Variants in FAM180A observed in about 807,000 individuals in gnomAD.
FAM180A encodes the protein family with sequence similarity 180 member A.
FAM180A carries 14 observed loss-of-function variants against 15.3 expected under a neutral mutation model. The observed-to-expected ratio is 0.92, with a 90% CI of 0.61 to 1.43. The LOEUF (loss-of-function observed/expected upper bound fraction) is 1.43. Ranked by LOEUF, FAM180A falls within the 40% of genes most tolerant of loss-of-function variation. The pLI is 0.00. For synonymous variants in FAM180A, 90 were observed against 96.8 expected (o/e 0.93, Z 0.41); for missense variants, 200 against 220.8 (o/e 0.91, Z 0.60).
At chr7:135,741,326 T>C (rs911369173) in intron 1 of FAM180A, among the ~76,000 whole-genome samples, 1 of 152,146 alleles carries the variant, frequency 6.6e-6, no homozygotes, top group African/African-American at 2.4e-5. Flanking sequence ...GGAATGGCTA[T>C]TGCTTTAAAA....
chr7:135,731,909 G>T (rs1303589849), intron 3 of FAM180A, among the ~76,000 whole-genome samples: 1 of 152,168 alleles, frequency 6.6e-6, no homozygotes, highest in African/African-American at 2.4e-5. Context: ...ATCAAATTTA[G>T]CCCAATAAAT....
At chr7:135,743,261 G>C (rs34848413) in intron 1 of FAM180A, among the ~76,000 whole-genome samples, 1 of 140,702 alleles carries the variant, frequency 7.1e-6, no homozygotes, top group Non-Finnish European at 1.5e-5. Context: ...TTGCTCTGTC[G>C]CCCACGCTGG....
chr7:135,733,991 G>C lies in FAM180A; in HGVS notation c.506C>G (p.Pro169Arg). Reference sequence around the variant, plus strand: ...GCCAGTCTCTCAGGGAGGTACTCCCGGCTGTGAGGAGCGCATCAAGTCGTG... The same window carrying C: ...GCCAGTCTCTCAGGGAGGTACTCCCCGCTGTGAGGAGCGCATCAAGTCGTG... ...LRHDLMRSSQPGVPP is the reference protein window; with the variant it reads ...LRHDLMRSSQRGVPP Residue 169 changes from proline (P) to arginine (R), a missense_variant, in exon 3 of 4, where the codon CCG becomes CGG. By Grantham distance (103) the Pro-to-Arg change is moderately radical. Coordinates refer to ENST00000338588, the MANE Select transcript of FAM180A (RefSeq NM_205855.4). 1.2e-6 allele frequency: 2 copies of C among 1,605,846 alleles called. No individual in the cohort carries two copies. The highest frequency in any genetic ancestry group is 1.7e-6 in the Non-Finnish European group (2 of 1,175,422).
In FAM180A at chr7:135,729,877, C is replaced by G. The variant is rs1248278001; in HGVS notation, c.*734G>C. 1.4e-6 allele frequency: 1 copy of G among 700,240 alleles called. No homozygotes were observed. Among genetic ancestry groups the G allele is most frequent in the African/African-American group, 1.9e-5 (1 of 51,526 alleles). 43.4% of individuals were successfully genotyped at this position (700,240 alleles called of 1,614,324 possible). On this transcript the variant is annotated 3_prime_UTR_variant, in exon 4 of 4. Transcript: ENST00000338588. Reference sequence around the variant, plus strand: ...GGGGAAGGGGAAAAGAGGAGTTGTTCGGTGGGTATAGAACTTCAGAATTAC... The same window carrying G: ...GGGGAAGGGGAAAAGAGGAGTTGTTGGGTGGGTATAGAACTTCAGAATTAC...
At chr7:135,743,975 G>A (rs1284824632) in intron 1 of FAM180A, among the ~76,000 whole-genome samples, 1 of 152,158 alleles carries the variant, frequency 6.6e-6, no homozygotes, top group African/African-American at 2.4e-5. Flanking sequence ...GAAAGTAGAT[G>A]TTGACTTCTG....
At chr7:135,743,848 T>C (rs967393036) in intron 1 of FAM180A, among the ~76,000 whole-genome samples, 1 of 152,184 alleles carries the variant, frequency 6.6e-6, no homozygotes. Context: ...AGGAACACAT[T>C]ACCTGCCCTG....
intron 2 of FAM180A, among the ~76,000 whole-genome samples, chr7:135,735,577 A>T (rs1333808907): frequency 1.3e-5 from 2 of 151,944 alleles, no homozygotes; most frequent in African/African-American, 4.8e-5. Context: ...TAAAATATAG[A>T]TCTCTTCGTA....
intron 3 of FAM180A, among the ~76,000 whole-genome samples, chr7:135,732,119 G>C (rs1474659333): frequency 6.6e-6 from 1 of 152,162 alleles, no homozygotes; most frequent in African/African-American, 2.4e-5. Flanking sequence ...TAGTTTGTAG[G>C]CAATGGCCAG....
At chr7:135,732,513 C>T (rs949146104) in intron 3 of FAM180A, among the ~76,000 whole-genome samples, 2 of 152,102 alleles carry the variant, frequency 1.3e-5, no homozygotes, top group South Asian at 2.1e-4. Context: ...GCCAACATGG[C>T]GAAAAACTGT....
chr7:135,748,577 G>C lies in FAM180A; in HGVS notation c.4C>G (p.His2Asp), dbSNP rs772366177. The part of the protein sequence containing the change: M[H>D]WKMLLLLLLY... ...AGCAGAAGCAGCAACATCTTCCAAT[G>C]CATCTTGTCCTTCAAAAGGTGAAAA... is the stretch of plus-strand genomic sequence containing the variant. Residue 2 changes from histidine to aspartate, a missense_variant, in exon 1 of 4, where the codon CAT (histidine) becomes GAT (aspartate). By Grantham distance (81) the His-to-Asp change is moderately conservative. Coordinates refer to ENST00000338588, the MANE Select transcript of FAM180A (RefSeq NM_205855.4). The C allele has an allele frequency of 6.2e-6, 10 of 1,613,650 alleles. No homozygotes were observed. The highest frequency in any genetic ancestry group is 5.0e-5 in the Admixed American group (3 of 59,990).
At chr7:135,732,041 G>A (rs1342278144) in intron 3 of FAM180A, among the ~76,000 whole-genome samples, 3 of 152,156 alleles carry the variant, frequency 2.0e-5, no homozygotes, top group Admixed American at 6.5e-5. Context: ...CCAGACGCTC[G>A]ACCCCTAGCA....
rs190977887 is a variant in FAM180A at position 135,746,202 on chromosome 7, T to G, written c.76+2303A>C. On this transcript the variant is annotated intron_variant, in intron 1 of 3. Coordinates refer to ENST00000338588, the MANE Select transcript of FAM180A (RefSeq NM_205855.4). Reference sequence around the variant, plus strand: ...CTCACTGTGGAAAGACCTTCCCCAATGCGGAAGGACATGGCCCGGAGAAGT... The same window carrying G: ...CTCACTGTGGAAAGACCTTCCCCAAGGCGGAAGGACATGGCCCGGAGAAGT... Among the ~76,000 whole-genome samples, 9 of 152,224 alleles carry G rather than the reference T, an allele frequency of 5.9e-5. No individual in the cohort carries two copies. In the East Asian group the frequency reaches 1.4e-3, roughly 23 times the overall value.
chr7:135,740,035 C>G (rs1796923780), intron 1 of FAM180A, among the ~76,000 whole-genome samples: 1 of 152,152 alleles, frequency 6.6e-6, no homozygotes, highest in Non-Finnish European at 1.5e-5. Flanking sequence ...GCAGTATTCC[C>G]TAGCCAGGTA....
At chr7:135,744,332 G>A (rs1353900229) in intron 1 of FAM180A, among the ~76,000 whole-genome samples, 1 of 152,196 alleles carries the variant, frequency 6.6e-6, no homozygotes, top group Non-Finnish European at 1.5e-5. Context: ...AAGGATTCAA[G>A]CTGCAGACCA....
At chr7:135,745,186 G>C (rs763406659) in intron 1 of FAM180A, among the ~76,000 whole-genome samples, 9 of 152,088 alleles carry the variant, frequency 5.9e-5, no homozygotes, top group African/African-American at 1.9e-4. Context: ...ACTGACCACA[G>C]GCCTTTCCCT....
At chr7:135,745,204 C>T (rs1797013883) in intron 1 of FAM180A, among the ~76,000 whole-genome samples, 1 of 152,168 alleles carries the variant, frequency 6.6e-6, no homozygotes, top group South Asian at 2.1e-4. Context: ...CCTCATGGAA[C>T]ATTCATGACT....
chr7:135,745,932 T>C lies in FAM180A; in HGVS notation c.76+2573A>G, dbSNP rs150596528. ...TAATACATTTGGAAAAACTTACTCA[T>C]TTGGGTGTGACTCCTATTCAGTCTT... is the stretch of plus-strand genomic sequence containing the variant. On this transcript the variant is annotated intron_variant, in intron 1 of 3. Transcript: ENST00000338588. Among the ~76,000 whole-genome samples the C allele has an allele frequency of 1.4e-4, 22 of 152,136 alleles. No homozygotes were observed. In the East Asian group the frequency reaches 3.3e-3, roughly 23 times the overall value.
chr7:135,744,259 A>T (rs555611967), intron 1 of FAM180A, among the ~76,000 whole-genome samples: 3 of 152,294 alleles, frequency 2.0e-5, no homozygotes, highest in Non-Finnish European at 4.4e-5. Context: ...GTAGTATGGT[A>T]TTCAGGCTAA....
chr7:135,737,535 C>T (rs947941233), intron 1 of FAM180A, among the ~76,000 whole-genome samples: 3 of 147,002 alleles, frequency 2.0e-5, no homozygotes, highest in East Asian at 2.0e-4. Flanking sequence ...TGCAGTGAGC[C>T]GAGACTGCGC....
Sources: allele counts gnomAD v4.1 joint callset (sites outside exome capture counted in the v4.1 genomes callset), GRCh38; gene constraint gnomAD v4.1.1; transcripts MANE v1.5; gene names NCBI Gene and HGNC (gene_info 2026-07-23, HGNC 2026-07-21).